MEAK7: variants seen among roughly 807,000 people sequenced by gnomAD.
MEAK7 encodes MTOR-associated protein MEAK7.
Under a neutral mutation model 40.5 loss-of-function variants are expected in MEAK7, and 68 were observed. That is an observed-to-expected ratio of 1.68 (90% CI 1.38 to 2.06). MEAK7 has a LOEUF of 2.06. Among genes scored for constraint, MEAK7 ranks in the 30% most tolerant of loss-of-function variants. MEAK7 has a pLI of 0.00. For missense variants in MEAK7, 918 were observed against 580.5 expected (o/e 1.58, Z -5.98); for synonymous variants, 338 against 231.9 (o/e 1.46, Z -4.16).
chr16:84,491,538 T>TAAA lies in MEAK7; in HGVS notation c.385-2119_385-2117dup, dbSNP rs57708607. ...TGGGCAACGGAGCGAGACCCTGTCT[T>TAAA]AAAAAAAAAAAAAAAAACGTCTGGG... is the stretch of plus-strand genomic sequence containing the variant. On this transcript the variant is annotated intron_variant, in intron 3 of 7. Coordinates refer to ENST00000343629, the MANE Select transcript of MEAK7 (RefSeq NM_020947.4). Among the ~76,000 whole-genome samples, 12 of 122,872 alleles carry TAAA rather than the reference T, an allele frequency of 9.8e-5. 1 individual carries two copies. The highest frequency in any genetic ancestry group is 1.8e-4 in the Admixed American group (2 of 11,348). The allele number at this position is 122,872 out of a possible 152,430, so 80.6% of individuals were successfully genotyped here.
chr16:84,498,098 T>G lies in MEAK7; in HGVS notation c.-12A>C, dbSNP rs769567885. 1 of 1,572,858 alleles carries G rather than the reference T, an allele frequency of 6.4e-7. No homozygotes were observed. The highest frequency in any genetic ancestry group is 8.6e-7 in the Non-Finnish European group (1 of 1,161,670). On this transcript the variant is annotated 5_prime_UTR_variant, in exon 2 of 8. Coordinates refer to ENST00000343629, the MANE Select transcript of MEAK7 (RefSeq NM_020947.4). ...CTGCTGTTCCCCATCTGTCCTGATA[T>G]CTGGCAGAATTCTCTGCAGAAGGAA... is the stretch of plus-strand genomic sequence containing the variant.
rs141775468 is a variant in MEAK7 at position 84,488,836 on chromosome 16, G to C, written c.529+442C>G. On this transcript the variant is annotated intron_variant, in intron 4 of 7. Transcript: ENST00000343629. The stretch of plus-strand genomic sequence containing the variant: ...CAAGTGTAAATGCTTATTTGAAAAA[G>C]AAGATCTCGAATCAATAACCTAGTA... Among the ~76,000 whole-genome samples the C allele has an allele frequency of 3.7e-3, 569 of 152,224 alleles. 9 individuals are homozygous for C. Among genetic ancestry groups the C allele is most frequent in the African/African-American group, 0.013 (545 of 41,540 alleles).
intron 5 of MEAK7, among the ~76,000 whole-genome samples, chr16:84,484,510 G>T (rs1245763103): frequency 6.6e-6 from 1 of 152,166 alleles, no homozygotes. Context: ...TTCAATGATT[G>T]CACAGAAAAC....
At chr16:84,496,775 C>T (rs4586419) in intron 2 of MEAK7, among the ~76,000 whole-genome samples, 7,817 of 152,186 alleles carry the variant, frequency 0.051, 473 homozygotes, top group African/African-American at 0.15. Context: ...CAATCTGCTC[C>T]CATCCTGCCT....
rs1414686063 is a variant in MEAK7 at position 84,486,642 on chromosome 16, G to A, written c.947C>T (p.Pro316Leu). Reference sequence around the variant, plus strand: ...ACACCAAGTCTTACCTTGAAACTGAGGCTTCACCTCCCAAGAGCAAGAGGC... The same window carrying A: ...ACACCAAGTCTTACCTTGAAACTGAAGCTTCACCTCCCAAGAGCAAGAGGC... ...GFASCSWEVK[P>L]QFQGDNRCFL... The change falls in exon 5 of 8, where the codon CCT becomes CTT. Residue 316 changes from proline (P) to leucine (L), a missense_variant. Transcript: ENST00000343629. 1 of 1,606,500 alleles carries A rather than the reference G, an allele frequency of 6.2e-7. No individual in the cohort carries two copies. Among genetic ancestry groups the A allele is most frequent in the Non-Finnish European group, 8.5e-7 (1 of 1,176,386 alleles).
intron 2 of MEAK7, among the ~76,000 whole-genome samples, 183 bp from the exon 3 acceptor site, chr16:84,496,096 T>C (rs141942813): frequency 1.3e-5 from 2 of 152,350 alleles, no homozygotes; most frequent in African/African-American, 4.8e-5. Flanking sequence ...GAAACTTTGA[T>C]ATGCAAATGC....
intron 4 of MEAK7, chr16:84,487,765 C>G (rs147721348): frequency 2.3e-4 from 35 of 152,366 alleles, no homozygotes; most frequent in African/African-American, 7.7e-4. Flanking sequence ...ACCTGGGACT[C>G]GAACAGCTGG....
rs534042856 is a variant in MEAK7, at chr16:84,480,316, C to G, written c.1257+213G>C. Among the ~76,000 whole-genome samples the G allele has an allele frequency of 4.6e-5, 7 of 152,254 alleles. No individual in the cohort carries two copies. The East Asian group carries it at 1.2e-3, about 25-fold the overall frequency. ...CCTGGGCTCGCACTTGGGGAACCCCCCTTCCCAGGGCTGCTCTACTAAACC... is the reference window on the plus strand; with the variant it reads ...CCTGGGCTCGCACTTGGGGAACCCCGCTTCCCAGGGCTGCTCTACTAAACC... On this transcript the variant is annotated intron_variant, in intron 7 of 7. Coordinates refer to ENST00000343629, the MANE Select transcript of MEAK7 (RefSeq NM_020947.4).
At chr16:84,485,752 G>A (rs532127258) in intron 5 of MEAK7, among the ~76,000 whole-genome samples, 5 of 152,140 alleles carry the variant, frequency 3.3e-5, no homozygotes, top group East Asian at 3.9e-4. Flanking sequence ...GTATGATCTC[G>A]GCTCACTGCA....
chr16:84,486,342 C>T (rs1330369821), intron 5 of MEAK7: 13 of 783,634 alleles, frequency 1.7e-5, no homozygotes, highest in East Asian at 4.7e-5. Flanking sequence ...CTGGTCCCCT[C>T]GGAGGCATCT....
chr16:84,483,238 G>A (rs1008437358), intron 5 of MEAK7, among the ~76,000 whole-genome samples: 7 of 152,226 alleles, frequency 4.6e-5, no homozygotes, highest in African/African-American at 1.4e-4. Flanking sequence ...TCGCCCAAAG[G>A]CATGGGGTGG....
rs1912191835 is a variant in MEAK7 at position 84,477,998 on chromosome 16, G to T, written c.*1915C>A. On this transcript the variant is annotated 3_prime_UTR_variant, in exon 8 of 8. Transcript: ENST00000343629. ...AGTCCTAACCTTTGCAGCGGCCTGG[G>T]CAGAAGCAGCAATCAATGGTCACCA... 1 of 152,198 alleles carries T rather than the reference G, an allele frequency of 6.6e-6. No individual in the cohort carries two copies. Among genetic ancestry groups the T allele is most frequent in the African/African-American group, 2.4e-5 (1 of 41,450 alleles). The allele number at this position is 152,198 out of a possible 1,614,324, so 9.4% of individuals were successfully genotyped here. A position where few individuals can be genotyped will look rare whatever the true frequency, so the allele number is the denominator to read the frequency against.
At position 84,486,750 on chromosome 16, in the gene MEAK7, G is replaced by T. The variant is rs375049457; in HGVS notation, c.839C>A (p.Ser280Tyr). 6.2e-7 allele frequency: 1 copy of T among 1,613,922 alleles called. No homozygotes were observed. The highest frequency in any genetic ancestry group is 1.3e-5 in the African/African-American group (1 of 74,920). ...FSSELHGHSF[S>Y]QLCGHITHRG... Reference sequence around the variant, plus strand: ...GTGAGTGATGTGGCCACAGAGCTGGGAGAAGCTGTGTCCATGGAGCTCAGA... The same window carrying T: ...GTGAGTGATGTGGCCACAGAGCTGGTAGAAGCTGTGTCCATGGAGCTCAGA... The change falls in exon 5 of 8, where the codon TCC (serine) becomes TAC (tyrosine). Residue 280 changes from serine to tyrosine, a missense_variant. By Grantham distance (144) the Ser-to-Tyr change is moderately radical. Coordinates refer to ENST00000343629, the MANE Select transcript of MEAK7 (RefSeq NM_020947.4).
chr16:84,486,451 G>A (rs1597934822), intron 5 of MEAK7, 180 bp downstream of exon 5: 2 of 1,405,114 alleles, frequency 1.4e-6, no homozygotes, highest in East Asian at 5.2e-5. Context: ...CTGTCCTGAA[G>A]AACTCTGATG....
At chr16:84,499,264 T>G (rs1914304467) in intron 1 of MEAK7, among the ~76,000 whole-genome samples, 1 of 152,154 alleles carries the variant, frequency 6.6e-6, no homozygotes, top group Non-Finnish European at 1.5e-5. Context: ...AGAGGTAAGG[T>G]GCTGTGACTG....
chr16:84,480,087 C>G (rs1912390561), intron 7 of MEAK7, 61 bp from the exon 8 acceptor site: 8 of 1,349,250 alleles, frequency 5.9e-6, no homozygotes, highest in Non-Finnish European at 8.1e-6. Flanking sequence ...GCAGCAGCTT[C>G]CTGCTAGTTT....
intron 1 of MEAK7, among the ~76,000 whole-genome samples, chr16:84,503,523 C>T (rs1567509799): frequency 6.6e-6 from 1 of 152,104 alleles, no homozygotes; most frequent in African/African-American, 2.4e-5. Flanking sequence ...GTCCCTATAC[C>T]CATTGCAATG....
Position 84,479,783 on chromosome 16 carries a change from G to T in MEAK7, c.*130C>A. On this transcript the variant is annotated 3_prime_UTR_variant, in exon 8 of 8. Coordinates refer to ENST00000343629, the MANE Select transcript of MEAK7 (RefSeq NM_020947.4). ...AGAGGGCGTCTTCTTGGCACATGTG[G>T]GACTACCAGGCTGTGACCCGTGCGG... 1.9e-6 allele frequency: 1 copy of T among 516,270 alleles called. No homozygotes were observed. Among genetic ancestry groups the T allele is most frequent in the South Asian group, 6.3e-5 (1 of 15,816 alleles). The allele number at this position is 516,270 out of a possible 1,614,324, so 32.0% of individuals were successfully genotyped here.
chr16:84,478,059 T>TTA lies in MEAK7; in HGVS notation c.*1853_*1854insTA, dbSNP rs1597911364. 6.6e-5 allele frequency: 10 copies of TTA among 151,984 alleles called. 1 individual carries two copies. The highest frequency in any genetic ancestry group is 6.6e-5 in the Admixed American group (1 of 15,254). The allele number at this position is 151,984 out of a possible 1,614,324, so 9.4% of individuals were successfully genotyped here. On this transcript the variant is annotated 3_prime_UTR_variant, in exon 8 of 8. Transcript: ENST00000343629. ...ACTGACGGACATTTAATTTTTTTTT[T>TTA]AACTGAGGCATCATGGCAGTTTAAT...
Sources: allele counts gnomAD v4.1 joint callset (sites outside exome capture counted in the v4.1 genomes callset), GRCh38; gene constraint gnomAD v4.1.1; transcripts MANE v1.5; gene names NCBI Gene and HGNC (gene_info 2026-07-23, HGNC 2026-07-21).